MAGI1: variants seen among roughly 807,000 people sequenced by gnomAD.
The protein encoded by MAGI1 is membrane associated guanylate kinase, WW and PDZ domain containing 1, also known as membrane-associated guanylate kinase, WW and PDZ domain-containing protein 1.
In MAGI1, 58 loss-of-function variants were observed where a neutral mutation model predicts 139.9. The ratio of observed to expected loss-of-function variants is 0.41; its 90% CI spans 0.34 to 0.52. The LOEUF (loss-of-function observed/expected upper bound fraction) is 0.52. MAGI1 is among the 20% of genes least tolerant of loss of function. The probability of loss-of-function intolerance (pLI) is 0.12; values close to 1 mark genes in which losing one functional copy is unlikely to be tolerated. For missense variants in MAGI1, 1,874 were observed against 1,901.6 expected (o/e 0.99, Z 0.27); for synonymous variants, 812 against 737.9 (o/e 1.10, Z -1.63).
intron 2 of MAGI1, chr3:65,499,151 G>A (rs2076989034): frequency 2.1e-6 from 1 of 479,348 alleles, no homozygotes; most frequent in South Asian, 9.1e-5. Flanking sequence ...GATTCCTATT[G>A]GCTGTGGTCT....
chr3:65,493,849 G>C (rs1452693275), intron 2 of MAGI1, among the ~76,000 whole-genome samples: 1 of 152,144 alleles, frequency 6.6e-6, no homozygotes, highest in East Asian at 1.9e-4. Context: ...CCCCAAATGG[G>C]AGAGAGAGAA....
intron 17 of MAGI1, among the ~76,000 whole-genome samples, chr3:65,376,239 T>G (rs536393134): frequency 2.0e-5 from 3 of 152,202 alleles, no homozygotes; most frequent in Non-Finnish European, 2.9e-5. Flanking sequence ...TTTGGGATAG[T>G]TGGCAACTTC....
chr3:65,758,108 C>T lies in MAGI1; in HGVS notation c.314-136020G>A, dbSNP rs2036702923. Among the ~76,000 whole-genome samples, 4 of 152,166 alleles carry T rather than the reference C, an allele frequency of 2.6e-5. No homozygotes were observed. In the South Asian group the frequency reaches 8.3e-4, roughly 32 times the overall value. On this transcript the variant is annotated intron_variant, in intron 1 of 22. Coordinates refer to ENST00000402939, the MANE Select transcript of MAGI1 (RefSeq NM_001033057.2). ...CTAACCAAAACAACAACAACACTCG[C>T]TGACTTCAAAGGTCTGTTGACTCGA...
At chr3:65,796,690 T>C (rs1055585524) in intron 1 of MAGI1, among the ~76,000 whole-genome samples, 5 of 152,238 alleles carry the variant, frequency 3.3e-5, no homozygotes, top group Non-Finnish European at 7.3e-5. Context: ...ATGCTATTCC[T>C]AATGCTCTAA....
chr3:65,363,109 A>G (rs1484611414), intron 21 of MAGI1, among the ~76,000 whole-genome samples: 1 of 152,330 alleles, frequency 6.6e-6, no homozygotes, highest in Non-Finnish European at 1.5e-5. Flanking sequence ...CTTTCTAAGC[A>G]TCCCAGGGTA....
At chr3:65,742,643 G>T (rs2035373900) in intron 1 of MAGI1, among the ~76,000 whole-genome samples, 1 of 152,208 alleles carries the variant, frequency 6.6e-6, no homozygotes, top group Non-Finnish European at 1.5e-5. Context: ...ATGCACAACA[G>T]CTGACTTTAT....
chr3:65,645,288 AT>A (rs2085199196), intron 1 of MAGI1, among the ~76,000 whole-genome samples: 1 of 152,170 alleles, frequency 6.6e-6, no homozygotes, highest in African/African-American at 2.4e-5. Context: ...AAGAAAAAAA[AT>A]ATTGAAAGCA....
chr3:65,616,264 C>G (rs7612891), intron 2 of MAGI1, among the ~76,000 whole-genome samples: 63,604 of 151,650 alleles, frequency 0.42, 13,873 homozygotes, highest in Non-Finnish European at 0.49. Flanking sequence ...GGAGGAGTCC[C>G]CGTATCACAG....
intron 2 of MAGI1, among the ~76,000 whole-genome samples, chr3:65,506,225 G>A (rs2077282476): frequency 1.3e-5 from 2 of 152,030 alleles, no homozygotes; most frequent in African/African-American, 4.8e-5. Flanking sequence ...CTCTAAAATG[G>A]GAATAATAAT....
chr3:65,444,810 T>C (rs1948573541), intron 7 of MAGI1, among the ~76,000 whole-genome samples: 1 of 152,202 alleles, frequency 6.6e-6, no homozygotes, highest in Non-Finnish European at 1.5e-5. Context: ...TATCTGGACA[T>C]TTGTCAGTTT....
At chr3:65,608,003 C>A (rs2082839430) in intron 2 of MAGI1, among the ~76,000 whole-genome samples, 1 of 152,210 alleles carries the variant, frequency 6.6e-6, no homozygotes, top group Non-Finnish European at 1.5e-5. Flanking sequence ...CCACAACCTA[C>A]AAAGCAGGTA....
chr3:65,549,411 C>A, intron 2 of MAGI1: 1 of 985,216 alleles, frequency 1.0e-6, no homozygotes, highest in Non-Finnish European at 1.2e-6. Flanking sequence ...CCGTTACCTG[C>A]GGGCCCCGGA....
chr3:65,827,648 G>A (rs1290752181), intron 1 of MAGI1, among the ~76,000 whole-genome samples: 1 of 152,054 alleles, frequency 6.6e-6, no homozygotes, highest in Non-Finnish European at 1.5e-5. Context: ...AAACACAGAT[G>A]GGTCAGACGC....
chr3:65,379,486 G>T lies in MAGI1; in HGVS notation c.2770C>A (p.Leu924Met). 1 of 1,613,986 alleles carries T rather than the reference G, an allele frequency of 6.2e-7. No individual in the cohort carries two copies. Among genetic ancestry groups the T allele is most frequent in the Non-Finnish European group, 8.5e-7 (1 of 1,179,888 alleles). ...SHHSSNQPAS[L>M]TEEKRTPQGS... is the part of the protein sequence containing the mutation. Reference sequence around the variant, plus strand: ...TGCGGAGTGCGCTTCTCTTCTGTCAGCGAGGCCGGCTGGTTGCTACTGTGA... The same window carrying T: ...TGCGGAGTGCGCTTCTCTTCTGTCATCGAGGCCGGCTGGTTGCTACTGTGA... Residue 924 changes from leucine (L) to methionine (M), a missense_variant, in exon 17 of 23, where the codon CTG (leucine) becomes ATG (methionine). Leu to Met is a conservative substitution (Grantham distance 15, BLOSUM62 2). Around this residue, in one of 5 missense-constraint regions of MAGI1, gnomAD observed 482 missense variants for 509.6 expected, o/e 0.95. Transcript: ENST00000402939.
Position 65,886,988 on chromosome 3 carries a change from A to G in MAGI1, c.313+151008T>C, listed in dbSNP as rs536671909. Among the ~76,000 whole-genome samples, 177 of 152,352 alleles carry G rather than the reference A, an allele frequency of 1.2e-3. 1 individual carries two copies. The highest frequency in any genetic ancestry group is 4.1e-3 in the African/African-American group (170 of 41,588). On this transcript the variant is annotated intron_variant, in intron 1 of 22. Transcript: ENST00000402939. ...ATTTCTTAATAATTTAAGAAAATAA[A>G]GTACCTAGTTAATGTCAAAGGCTTC... is the stretch of plus-strand genomic sequence containing the variant.
intron 1 of MAGI1, among the ~76,000 whole-genome samples, chr3:65,793,549 G>A (rs2039925512): frequency 6.6e-6 from 1 of 152,214 alleles, no homozygotes; most frequent in Non-Finnish European, 1.5e-5. Context: ...TTTATAAGCA[G>A]TTGAGAGATA....
At chr3:65,771,788 T>C (rs1007528834) in intron 1 of MAGI1, among the ~76,000 whole-genome samples, 1 of 152,224 alleles carries the variant, frequency 6.6e-6, no homozygotes, top group Non-Finnish European at 1.5e-5. Flanking sequence ...GAATCCCCAG[T>C]GCTGTATGGA....
At chr3:65,639,986 T>C (rs1177828082) in intron 1 of MAGI1, among the ~76,000 whole-genome samples, 1 of 123,634 alleles carries the variant, frequency 8.1e-6, no homozygotes, top group African/African-American at 3.4e-5. Flanking sequence ...CAAAACTCCG[T>C]CTCAAAAAAA....
chr3:65,629,108 A>G (rs1277951156), intron 1 of MAGI1, among the ~76,000 whole-genome samples: 1 of 152,136 alleles, frequency 6.6e-6, no homozygotes, highest in Admixed American at 6.5e-5. Flanking sequence ...TACCAGAAGC[A>G]TCTTTTCAAG....
Sources: gnomAD v4.1 joint callset for allele counts (sites outside exome capture counted in the v4.1 genomes callset) on GRCh38, gnomAD v4.1.1 for gene constraint, gnomAD v4.1.1 regional missense constraint, MANE v1.5 for transcripts, NCBI Gene and HGNC (gene_info 2026-07-23, HGNC 2026-07-21) for gene names.